The following ATF7IP2 variants were observed in gnomAD, a reference collection of about 807,000 sequenced individuals.
The protein encoded by ATF7IP2 is activating transcription factor 7-interacting protein 2.
A neutral mutation model predicts 64.2 loss-of-function variants in ATF7IP2; 42 were observed. The observed-to-expected ratio is 0.65, with a 90% confidence interval of 0.51 to 0.85. The LOEUF (loss-of-function observed/expected upper bound fraction) is 0.85. Ranked by LOEUF, ATF7IP2 falls within the 40% of genes least tolerant of loss-of-function variation. The probability of loss-of-function intolerance (pLI) is 0.00; values close to 1 mark genes in which losing one functional copy is unlikely to be tolerated. For missense variants in ATF7IP2, 933 were observed against 784.2 expected, an observed-to-expected ratio of 1.19 and a Z score of -2.27; for synonymous variants, 308 against 272.8, an observed-to-expected ratio of 1.13 and a Z score of -1.27.
At chr16:10,412,961 CTGATA>C (rs1296762613) in intron 1 of ATF7IP2, among the ~76,000 whole-genome samples, 2 of 152,056 alleles carry the variant, frequency 1.3e-5, no homozygotes, top group African/African-American at 2.4e-5. Flanking sequence ...TTTGTTTTAT[CTGATA>C]TAAGAATAGC....
At chr16:10,433,397 ACT>A in intron 5 of ATF7IP2, 126 bp from the exon 6 acceptor site, 1 of 755,364 alleles carries the variant, frequency 1.3e-6, no homozygotes. Context: ...CTGGTCTTGA[ACT>A]CCTGGCCTTA....
At chr16:10,457,855 G>A (rs1200604988) in intron 9 of ATF7IP2, among the ~76,000 whole-genome samples, 1 of 152,112 alleles carries the variant, frequency 6.6e-6, no homozygotes, top group Non-Finnish European at 1.5e-5. Flanking sequence ...GACTACAGGT[G>A]TGCAATCACC....
intron 12 of ATF7IP2, among the ~76,000 whole-genome samples, chr16:10,477,837 C>G (rs1160501882): frequency 6.6e-6 from 1 of 151,972 alleles, no homozygotes; most frequent in Admixed American, 6.6e-5. Flanking sequence ...ACAAAAATCA[C>G]AAGCATACTT....
At chr16:10,470,216 T>A (rs767899400) in intron 9 of ATF7IP2, among the ~76,000 whole-genome samples, 1 of 152,156 alleles carries the variant, frequency 6.6e-6, no homozygotes, top group Non-Finnish European at 1.5e-5. Flanking sequence ...ATATATAGTT[T>A]AGAAATTATA....
chr16:10,404,502 C>T (rs1567429441), intron 1 of ATF7IP2, among the ~76,000 whole-genome samples: 1 of 152,202 alleles, frequency 6.6e-6, no homozygotes, highest in Non-Finnish European at 1.5e-5. Flanking sequence ...CCACCTTGGC[C>T]TCCCAAAGTG....
chr16:10,469,301 A>G (rs1467396704), intron 9 of ATF7IP2, among the ~76,000 whole-genome samples: 2 of 152,174 alleles, frequency 1.3e-5, no homozygotes, highest in Admixed American at 6.5e-5. Context: ...AACAATGAAC[A>G]GAGCATCAGA....
In ATF7IP2 at chr16:10,440,913, C is replaced by G. The variant is rs184325384; in HGVS notation, c.1194+451C>G. On this transcript the variant is annotated intron_variant, in intron 8 of 13. Coordinates refer to ENST00000562102, the MANE Select transcript of ATF7IP2 (RefSeq NM_001393719.1). ...TATCCCTCCCCTAGCCTCCCCACCC[C>G]CTGACAGGCCCTGGTGTGTGGTGTT... Among the ~76,000 whole-genome samples the G allele has an allele frequency of 7.5e-4, 114 of 152,230 alleles. 2 individuals are homozygous for G. In the East Asian group the frequency reaches 0.017, roughly 22 times the overall value.
At chr16:10,402,587 C>A (rs1294056920) in intron 1 of ATF7IP2, among the ~76,000 whole-genome samples, 1 of 152,054 alleles carries the variant, frequency 6.6e-6, no homozygotes, top group Non-Finnish European at 1.5e-5. Flanking sequence ...CCTCAGCCTC[C>A]CAACTAGCTG....
intron 8 of ATF7IP2, among the ~76,000 whole-genome samples, chr16:10,442,775 C>T (rs1487729006): frequency 1.3e-5 from 2 of 151,998 alleles, no homozygotes; most frequent in Non-Finnish European, 2.9e-5. Context: ...TTTCACAGGC[C>T]ATTTGGCCCT....
At chr16:10,418,893 T>A (rs1249836805) in intron 2 of ATF7IP2, among the ~76,000 whole-genome samples, 4 of 152,206 alleles carry the variant, frequency 2.6e-5, no homozygotes, top group Non-Finnish European at 4.4e-5. Flanking sequence ...GCCATACTTC[T>A]TACCATTTCT....
At chr16:10,465,034 TAGTC>T (rs1038202407) in intron 9 of ATF7IP2, among the ~76,000 whole-genome samples, 34 of 152,360 alleles carry the variant, frequency 2.2e-4, no homozygotes, top group African/African-American at 7.2e-4. Context: ...TTCGCCATGT[TAGTC>T]AGGCTGCTCT....
chr16:10,389,353 C>T (rs1348506), intron 1 of ATF7IP2, among the ~76,000 whole-genome samples: 119,946 of 152,108 alleles, frequency 0.79, 48,080 homozygotes, highest in African/African-American at 0.94. Flanking sequence ...ACTGGATCTA[C>T]GAATGACAGG....
At chr16:10,398,008 A>G (rs1389146942) in intron 1 of ATF7IP2, among the ~76,000 whole-genome samples, 2 of 152,048 alleles carry the variant, frequency 1.3e-5, no homozygotes, top group Admixed American at 6.6e-5. Context: ...ATGACTTATC[A>G]AAAATGAAAG....
At chr16:10,455,816 G>T (rs1023351414) in intron 8 of ATF7IP2, among the ~76,000 whole-genome samples, 2 of 152,128 alleles carry the variant, frequency 1.3e-5, no homozygotes, top group Admixed American at 1.3e-4. Flanking sequence ...AAGCATTGTT[G>T]GTGAGGACTT....
intron 11 of ATF7IP2, 44 bp from the exon 12 acceptor site, chr16:10,473,879 G>A: frequency 8.3e-7 from 1 of 1,203,184 alleles, no homozygotes; most frequent in Non-Finnish European, 1.2e-6. Context: ...AACATTTTCA[G>A]CTATTGAGGC....
intron 8 of ATF7IP2, chr16:10,447,397 C>T (rs1226785948): frequency 6.6e-6 from 1 of 152,190 alleles, no homozygotes; most frequent in Non-Finnish European, 1.5e-5. Flanking sequence ...ACCGGAGACC[C>T]TTCTCCGGAG....
chr16:10,468,384 C>T lies in ATF7IP2; in HGVS notation c.1353-3726C>T, dbSNP rs539612692. ...CCTCTCCCCATGCAGTCAACAGCTA[C>T]AGGAACTGACATTTTGCTATAAACA... On this transcript the variant is annotated intron_variant, in intron 9 of 13. Transcript: ENST00000562102. Among the ~76,000 whole-genome samples the T allele has an allele frequency of 2.0e-5, 3 of 152,196 alleles. No individual in the cohort carries two copies. The South Asian group carries it at 6.2e-4, about 32-fold the overall frequency.
intron 6 of ATF7IP2, among the ~76,000 whole-genome samples, chr16:10,435,107 G>C (rs1033073313): frequency 6.6e-6 from 1 of 152,160 alleles, no homozygotes; most frequent in Non-Finnish European, 1.5e-5. Context: ...TCTCTAAATA[G>C]CTAGCTTTTC....
Position 10,472,152 on chromosome 16 carries a change from T to G in ATF7IP2, c.1395T>G (p.Asn465Lys). 1.9e-6 allele frequency: 3 copies of G among 1,575,138 alleles called. No individual in the cohort carries two copies. The highest frequency in any genetic ancestry group is 2.6e-6 in the Non-Finnish European group (3 of 1,153,314). Residue 465 changes from asparagine (N) to lysine (K), a missense_variant, in exon 10 of 14, where the codon AAT (asparagine) becomes AAG (lysine). Transcript: ENST00000562102. Reference sequence around the variant, plus strand: ...TGTTGATTTCTGTGGAAAGTCCTAATTTGACAACTCCAATTACATCAAATC... The same window carrying G: ...TGTTGATTTCTGTGGAAAGTCCTAAGTTGACAACTCCAATTACATCAAATC... ...DVMLISVESP[N>K]LTTPITSNPT...
Sources: allele counts gnomAD v4.1 joint callset (sites outside exome capture counted in the v4.1 genomes callset), GRCh38; gene constraint gnomAD v4.1.1; transcripts MANE v1.5; gene names NCBI Gene and HGNC (gene_info 2026-07-23, HGNC 2026-07-21).